ZNF605: variants seen among roughly 807,000 people sequenced by gnomAD.
The protein encoded by ZNF605 is zinc finger protein 605.
Under a neutral mutation model 7.9 loss-of-function variants are expected in ZNF605, and 9 were observed. That is an observed-to-expected ratio of 1.14 (90% CI 0.68 to 1.98). The LOEUF is 1.98. Among genes scored for constraint, ZNF605 ranks in the 30% most tolerant of loss-of-function variants. ZNF605 has a pLI of 0.00. For missense variants in ZNF605, 673 were observed against 762.4 expected (o/e 0.88, Z 1.38); for synonymous variants, 255 against 260.1 (o/e 0.98, Z 0.19).
chr12:132,935,645 C>A (rs1448870677), intron 3 of ZNF605, among the ~76,000 whole-genome samples: 4 of 151,560 alleles, frequency 2.6e-5, no homozygotes, highest in African/African-American at 7.3e-5. Context: ...GTAACCCCAG[C>A]ACTTTGGGAG....
Position 132,925,467 on chromosome 12 carries a change from T to A in ZNF605, c.1832A>T (p.His611Leu). 6.2e-7 allele frequency: 1 copy of A among 1,614,220 alleles called. No individual in the cohort carries two copies. Among genetic ancestry groups the A allele is most frequent in the Non-Finnish European group, 8.5e-7 (1 of 1,180,034 alleles). Residue 611 changes from histidine to leucine, a missense_variant, in exon 5 of 5, where the codon CAT becomes CTT. By Grantham distance (99) the His-to-Leu change is moderately conservative. Transcript: ENST00000360187. ...GCATCCATAGTATTTATCTCCTGTATGAATCCTCTGATGCCTCATAAGGTG... is the reference window on the plus strand; with the variant it reads ...GCATCCATAGTATTTATCTCCTGTAAGAATCCTCTGATGCCTCATAAGGTG... ...KSHLMRHQRI[H>L]TGDKYYGCNE...
chr12:132,923,753 G>T lies in ZNF605; in HGVS notation c.*1620C>A, dbSNP rs1439617306. 6.6e-6 allele frequency: 1 copy of T among 152,108 alleles called. No homozygotes were observed. The highest frequency in any genetic ancestry group is 1.5e-5 in the Non-Finnish European group (1 of 68,020). The allele number at this position is 152,108 out of a possible 1,614,324, so 9.4% of individuals were successfully genotyped here. A position where few individuals can be genotyped will look rare whatever the true frequency, so the allele number is the denominator to read the frequency against. Reference sequence around the variant, plus strand: ...TTTCACCAGATTTGGAAAATCTTTAGCCATTATTTATTCAAATACTTCTTC... The same window carrying T: ...TTTCACCAGATTTGGAAAATCTTTATCCATTATTTATTCAAATACTTCTTC... On this transcript the variant is annotated 3_prime_UTR_variant, in exon 5 of 5. Transcript: ENST00000360187.
At position 132,922,963 on chromosome 12, in the gene ZNF605, TG is replaced by T. The variant is rs1420272067; in HGVS notation, c.*2409del. The T allele has an allele frequency of 6.6e-6, 1 of 151,724 alleles. No homozygotes were observed. The highest frequency in any genetic ancestry group is 1.5e-5 in the Non-Finnish European group (1 of 68,046). The allele number at this position is 151,724 out of a possible 1,614,324, so 9.4% of individuals were successfully genotyped here. On this transcript the variant is annotated 3_prime_UTR_variant, in exon 5 of 5. Coordinates refer to ENST00000360187, the MANE Select transcript of ZNF605 (RefSeq NM_183238.4). ...CCTCAGGGGGGAGCAGAGCAGAAAATGGGGGAAAAGGGATCAAAGAAATAGG... is the reference window on the plus strand; with the variant it reads ...CCTCAGGGGGGAGCAGAGCAGAAAATGGGGAAAAGGGATCAAAGAAATAGG...
chr12:132,932,769 A>G (rs1431134590), intron 4 of ZNF605: 2 of 1,536,546 alleles, frequency 1.3e-6, no homozygotes, highest in Non-Finnish European at 1.7e-6. Flanking sequence ...TTGTTGTTCC[A>G]GTTTGAACAT....
intron 4 of ZNF605, chr12:132,932,748 A>G: frequency 6.5e-7 from 1 of 1,536,488 alleles, no homozygotes; most frequent in Non-Finnish European, 8.7e-7. Flanking sequence ...TTGACCTATT[A>G]TCCATGGATC....
chr12:132,952,450 C>CAAAA (rs76640666), intron 1 of ZNF605, among the ~76,000 whole-genome samples: 1 of 88,942 alleles, frequency 1.1e-5, no homozygotes, highest in Non-Finnish European at 2.3e-5. Flanking sequence ...GACTCTGTCT[C>CAAAA]AAAAAAAAAA....
chr12:132,942,883 G>A (rs1300938769), intron 3 of ZNF605, among the ~76,000 whole-genome samples: 1 of 152,162 alleles, frequency 6.6e-6, no homozygotes, highest in Non-Finnish European at 1.5e-5. Context: ...TCAGTCCTCC[G>A]GGCCCGACCA....
At chr12:132,953,451 G>A (rs1952594211) in intron 1 of ZNF605, among the ~76,000 whole-genome samples, 1 of 152,120 alleles carries the variant, frequency 6.6e-6, no homozygotes, top group South Asian at 2.1e-4. Context: ...TTTTTAAGAT[G>A]GAGTCTCACT....
At chr12:132,932,810 C>A in intron 4 of ZNF605, 3 of 1,532,930 alleles carry the variant, frequency 2.0e-6, no homozygotes, top group African/African-American at 1.4e-5. Context: ...GAAAACCTGT[C>A]GATTGGAAAC....
At position 132,924,495 on chromosome 12, in the gene ZNF605, A is replaced by G. The variant is rs61951591; in HGVS notation, c.*878T>C. 0.28 allele frequency: 42,171 copies of G among 152,134 alleles called. 6,469 individuals carry two copies. Among genetic ancestry groups the G allele is most frequent in the East Asian group, 0.69 (3,548 of 5,164 alleles). 9.4% of individuals were successfully genotyped at this position (152,134 alleles called of 1,614,324 possible). Reference sequence around the variant, plus strand: ...CAGACTTCTTGAGCCCTGTATCTAGAAGGATCCCATCTCTCCAGTACTTTC... The same window carrying G: ...CAGACTTCTTGAGCCCTGTATCTAGGAGGATCCCATCTCTCCAGTACTTTC... On this transcript the variant is annotated 3_prime_UTR_variant, in exon 5 of 5. Transcript: ENST00000360187.
chr12:132,926,242 T>C lies in ZNF605; in HGVS notation c.1057A>G (p.Ile353Val). 1 of 1,613,740 alleles carries C rather than the reference T, an allele frequency of 6.2e-7. No individual in the cohort carries two copies. The highest frequency in any genetic ancestry group is 8.5e-7 in the Non-Finnish European group (1 of 1,179,844). ...QKAFSRNSLL[I>V]RHQRIHTGEK... ...CCTGTATGAATCCTCTGATGCCTAA[T>C]GAGAAGTGAGTTCCTGCTGAAGGCT... is the stretch of plus-strand genomic sequence containing the variant. Residue 353 changes from isoleucine (I) to valine (V), a missense_variant, in exon 5 of 5, where the codon ATT (isoleucine) becomes GTT (valine). By Grantham distance (29) the Ile-to-Val change is conservative. Coordinates refer to ENST00000360187, the MANE Select transcript of ZNF605 (RefSeq NM_183238.4).
intron 4 of ZNF605, among the ~76,000 whole-genome samples, chr12:132,930,795 G>A (rs1489371587): frequency 6.6e-6 from 1 of 152,140 alleles, no homozygotes; most frequent in African/African-American, 2.4e-5. Context: ...TTTCCAAACT[G>A]CACACACTCA....
intron 3 of ZNF605, among the ~76,000 whole-genome samples, chr12:132,939,192 C>A (rs1952404568): frequency 6.6e-6 from 1 of 152,196 alleles, no homozygotes; most frequent in Admixed American, 6.5e-5. Context: ...GTGCGGGATC[C>A]ACTAGGTGAA....
Position 132,925,861 on chromosome 12 carries a change from T to C in ZNF605, c.1438A>G (p.Ser480Gly). ...TCACTGAAGGTTTTCCTGCATTCACTGCATTCATAGGGTTTCTCACCTGTA... is the reference window on the plus strand; with the variant it reads ...TCACTGAAGGTTTTCCTGCATTCACCGCATTCATAGGGTTTCTCACCTGTA... ...THTGEKPYEC[S>G]ECRKTFSEKS... Residue 480 changes from serine to glycine, a missense_variant, in exon 5 of 5, where the codon AGT becomes GGT. Coordinates refer to ENST00000360187, the MANE Select transcript of ZNF605 (RefSeq NM_183238.4). The C allele has an allele frequency of 6.2e-7, 1 of 1,614,180 alleles. No individual in the cohort carries two copies. The highest frequency in any genetic ancestry group is 1.1e-5 in the South Asian group (1 of 91,090).
At chr12:132,935,260 C>T (rs1273188888) in intron 3 of ZNF605, among the ~76,000 whole-genome samples, 1 of 151,912 alleles carries the variant, frequency 6.6e-6, no homozygotes, top group Non-Finnish European at 1.5e-5. Flanking sequence ...AAAGCTGGAA[C>T]ACAAGGAGTA....
rs1593580297 is a variant in ZNF605, at chr12:132,927,289, G to A, written c.137-127C>T. 1.1e-5 allele frequency: 6 copies of A among 561,642 alleles called. No homozygotes were observed. In the East Asian group the frequency reaches 1.7e-4, roughly 15 times the overall value. The allele number at this position is 561,642 out of a possible 1,614,324, so 34.8% of individuals were successfully genotyped here. ...TCCCTCAAATAATGTGTACTTATTG[G>A]GCATTGACAATTTTAACAGAAATGA... On this transcript the variant is annotated intron_variant, in intron 4 of 4. Transcript: ENST00000360187.
intron 3 of ZNF605, chr12:132,944,911 G>A (rs1276293332): frequency 6.4e-6 from 1 of 155,400 alleles, no homozygotes; most frequent in Non-Finnish European, 1.4e-5. Flanking sequence ...TTCTGTTATG[G>A]CTTCTGGAAA....
In ZNF605 at chr12:132,941,922, T is replaced by C. The variant is rs1037542897; in HGVS notation, c.15+3699A>G. Among the ~76,000 whole-genome samples, 3 of 152,230 alleles carry C rather than the reference T, an allele frequency of 2.0e-5. No homozygotes were observed. The highest frequency in any genetic ancestry group is 6.5e-5 in the Admixed American group (1 of 15,278). Reference sequence around the variant, plus strand: ...ACACCTCAGACTCCACGGGGCACGGTGCAAGGCCCTTTCATCCCCTTTCTG... The same window carrying C: ...ACACCTCAGACTCCACGGGGCACGGCGCAAGGCCCTTTCATCCCCTTTCTG... On this transcript the variant is annotated intron_variant, in intron 3 of 4. Coordinates refer to ENST00000360187, the MANE Select transcript of ZNF605 (RefSeq NM_183238.4). The surrounding 1 kb of genome is among the most constrained non-coding windows in gnomAD (Gnocchi z 5.1).
intron 1 of ZNF605, among the ~76,000 whole-genome samples, chr12:132,950,885 CAT>C (rs1255432051): frequency 5.3e-5 from 8 of 151,940 alleles, no homozygotes; most frequent in Non-Finnish European, 8.8e-5. Flanking sequence ...ATACATCACA[CAT>C]ACTCACAGAC....
Sources: allele counts gnomAD v4.1 joint callset (sites outside exome capture counted in the v4.1 genomes callset), GRCh38; gene constraint gnomAD v4.1.1; non-coding constraint Gnocchi (gnomAD v3.1); transcripts MANE v1.5; gene names NCBI Gene and HGNC (gene_info 2026-07-23, HGNC 2026-07-21).